The following FAM47E variants were observed in gnomAD, a reference collection of about 807,000 sequenced individuals.
FAM47E encodes the protein protein FAM47E.
In FAM47E, 32 loss-of-function variants were observed where a neutral mutation model predicts 41.6. That is an observed-to-expected ratio of 0.77 (90% CI 0.58 to 1.03). The LOEUF (loss-of-function observed/expected upper bound fraction) is 1.03. Ranked by LOEUF, FAM47E falls within the 50% of genes least tolerant of loss-of-function variation. The pLI is 0.00. For synonymous variants in FAM47E, 184 were observed against 188.7 expected, an observed-to-expected ratio of 0.98 and a Z score of 0.20; for missense variants, 424 against 485.4, an observed-to-expected ratio of 0.87 and a Z score of 1.19.
At chr4:76,276,244 A>G (rs28636815) in intron 5 of FAM47E, among the ~76,000 whole-genome samples, 56,379 of 151,730 alleles carry the variant, frequency 0.37, 10,858 homozygotes, top group Middle Eastern at 0.47. Context: ...TTTAGAGAAC[A>G]AGAAGAGAGA....
chr4:76,218,509 G>A (rs377225611), intron 2 of FAM47E, among the ~76,000 whole-genome samples: 5 of 152,152 alleles, frequency 3.3e-5, no homozygotes, highest in African/African-American at 7.2e-5. Flanking sequence ...CGCCTCCTCC[G>A]ATCAAGAAGA....
intron 1 of FAM47E, among the ~76,000 whole-genome samples, chr4:76,252,886 G>T (rs929144117): frequency 1.3e-5 from 2 of 152,146 alleles, no homozygotes; most frequent in Non-Finnish European, 2.9e-5. Flanking sequence ...TATGCTAATT[G>T]AACTAGAGAC....
intron 1 of FAM47E, among the ~76,000 whole-genome samples, chr4:76,215,642 T>C (rs1733192579): frequency 6.6e-6 from 1 of 152,218 alleles, no homozygotes; most frequent in African/African-American, 2.4e-5. Flanking sequence ...AGCTAGATCA[T>C]AAATGCCTTG....
upstream of FAM47E, among the ~76,000 whole-genome samples, chr4:76,250,821 AC>A (rs1733942541): frequency 6.6e-6 from 1 of 152,050 alleles, no homozygotes; most frequent in African/African-American, 2.4e-5. Flanking sequence ...AAATATTACC[AC>A]CCCCGGTTCA....
At chr4:76,258,222 C>G (rs1323947015) in intron 2 of FAM47E, among the ~76,000 whole-genome samples, 1 of 152,120 alleles carries the variant, frequency 6.6e-6, no homozygotes, top group Non-Finnish European at 1.5e-5. Context: ...AGGTTTAAGC[C>G]CTACCCACTT....
chr4:76,259,691 T>A (rs1734328058), intron 2 of FAM47E, among the ~76,000 whole-genome samples: 1 of 152,086 alleles, frequency 6.6e-6, no homozygotes, highest in Non-Finnish European at 1.5e-5. Flanking sequence ...CAATAAAAAT[T>A]TTTTTTCATG....
rs867217004 is a variant in FAM47E at position 76,271,653 on chromosome 4, C to A, written c.755C>A (p.Thr252Lys). ...AAACCAAGCCATGATGCGCTCCACA[C>A]GATGAAGCTAAATCAGGTTCCTCTG... is the stretch of plus-strand genomic sequence containing the variant. The part of the protein sequence containing the change: ...ETKPSHDALH[T>K]MKLNQVPLEL... Residue 252 changes from threonine to lysine, a missense_variant, in exon 5 of 8, where the codon ACG becomes AAG. By Grantham distance (78) the Thr-to-Lys change is moderately conservative (BLOSUM62 -1). Coordinates refer to ENST00000424749, the MANE Select transcript of FAM47E (RefSeq NM_001136570.3). 5 of 1,552,048 alleles carry A rather than the reference C, an allele frequency of 3.2e-6. No individual in the cohort carries two copies. The African/African-American group carries it at 5.5e-5, about 17-fold the overall frequency.
intron 2 of FAM47E, 63 bp from the exon 3 acceptor site, chr4:76,263,641 A>G: frequency 6.6e-7 from 1 of 1,524,642 alleles, no homozygotes; most frequent in Non-Finnish European, 8.8e-7. Context: ...GTTTTGTTGT[A>G]GAATGGGGAC....
At chr4:76,258,674 C>T (rs1047667896) in intron 2 of FAM47E, among the ~76,000 whole-genome samples, 3 of 152,202 alleles carry the variant, frequency 2.0e-5, no homozygotes, top group African/African-American at 7.2e-5. Context: ...TAGTCCCAAA[C>T]ATCATAATCG....
intron 2 of FAM47E, among the ~76,000 whole-genome samples, chr4:76,262,273 A>C (rs960939844): frequency 6.6e-6 from 1 of 152,192 alleles, no homozygotes; most frequent in Non-Finnish European, 1.5e-5. Context: ...AAAAGCAACT[A>C]TTTACTATGA....
intron 5 of FAM47E, among the ~76,000 whole-genome samples, chr4:76,277,733 GT>G (rs1735189026): frequency 6.6e-6 from 1 of 152,106 alleles, no homozygotes; most frequent in South Asian, 2.1e-4. Flanking sequence ...CAACAGCCCT[GT>G]GGGGATGTAT....
At chr4:76,215,467 G>A (rs779990384) in intron 1 of FAM47E, among the ~76,000 whole-genome samples, 4 of 152,304 alleles carry the variant, frequency 2.6e-5, no homozygotes, top group Middle Eastern at 3.4e-3. Flanking sequence ...CTTTGTTGAG[G>A]ACTTGGTGAG....
At chr4:76,267,097 C>T (rs1471573622) in intron 3 of FAM47E, among the ~76,000 whole-genome samples, 2 of 152,204 alleles carry the variant, frequency 1.3e-5, no homozygotes, top group East Asian at 1.9e-4. Context: ...ATCTGTCTCT[C>T]CTATTCAGTT....
chr4:76,257,634 A>G (rs914303797), intron 2 of FAM47E, among the ~76,000 whole-genome samples: 1 of 152,116 alleles, frequency 6.6e-6, no homozygotes, highest in South Asian at 2.1e-4. Flanking sequence ...AGCATGTCCA[A>G]TTCAGCTCTC....
chr4:76,280,248 G>A lies in FAM47E; in HGVS notation c.1027-16G>A. 2 of 1,516,574 alleles carry A rather than the reference G, an allele frequency of 1.3e-6. No individual in the cohort carries two copies. The highest frequency in any genetic ancestry group is 1.2e-5 in the South Asian group (1 of 82,320). The allele number at this position is 1,516,574 out of a possible 1,614,324, so 93.9% of individuals were successfully genotyped here. On this transcript the variant is annotated splice_polypyrimidine_tract_variant and intron_variant, in intron 6 of 7. Coordinates refer to ENST00000424749, the MANE Select transcript of FAM47E (RefSeq NM_001136570.3). ...TGATGGCTGACCCCTTTCTTCAAAT[G>A]TGGGTACTCTTTTAGGAGGAGTTAC...
rs1354186898 is a variant in FAM47E, at chr4:76,263,728, C to T, written c.445C>T (p.Leu149Phe). Reference sequence around the variant, plus strand: ...GCTCTTATCAAAGGTGCTGGAAGTGCTTGATCCTGACCGGAAGCTGGAGGA... The same window carrying T: ...GCTCTTATCAAAGGTGCTGGAAGTGTTTGATCCTGACCGGAAGCTGGAGGA... ...IELLSKVLEV[L>F]DPDRKLEDTW... is the part of the protein sequence containing the mutation. Residue 149 changes from leucine (L) to phenylalanine (F), a missense_variant, in exon 3 of 8, where the codon CTT (leucine) becomes TTT (phenylalanine). Transcript: ENST00000424749. The T allele has an allele frequency of 1.3e-6, 2 of 1,551,510 alleles. No homozygotes were observed. Among genetic ancestry groups the T allele is most frequent in the Non-Finnish European group, 1.7e-6 (2 of 1,146,856 alleles).
intron 2 of FAM47E, among the ~76,000 whole-genome samples, chr4:76,244,533 CTTTTTT>C (rs71212407): frequency 3.0e-5 from 2 of 66,054 alleles, no homozygotes; most frequent in South Asian, 7.2e-4. Flanking sequence ...AGGCATTCTT[CTTTTTT>C]TTTTTTTTTT....
At chr4:76,229,087 A>G (rs1160361608) in intron 2 of FAM47E, among the ~76,000 whole-genome samples, 2 of 152,026 alleles carry the variant, frequency 1.3e-5, no homozygotes, top group African/African-American at 4.8e-5. Context: ...CCTTGTTTTC[A>G]AGCTCTGAAA....
chr4:76,229,752 G>A (rs753959071), intron 2 of FAM47E, among the ~76,000 whole-genome samples: 1 of 152,222 alleles, frequency 6.6e-6, no homozygotes, highest in African/African-American at 2.4e-5. Flanking sequence ...GGGGAGTGAA[G>A]TAGACTCTGT....
Sources: allele counts gnomAD v4.1 joint callset (sites outside exome capture counted in the v4.1 genomes callset), GRCh38; gene constraint gnomAD v4.1.1; transcripts MANE v1.5; gene names NCBI Gene and HGNC (gene_info 2026-07-23, HGNC 2026-07-21).